FAF1: variants seen among roughly 807,000 people sequenced by gnomAD.
FAF1 encodes the protein FAS-associated factor 1.
Under a neutral mutation model 92.5 loss-of-function variants are expected in FAF1, and 25 were observed. The ratio of observed to expected loss-of-function variants is 0.27; its 90% CI spans 0.20 to 0.38. The LOEUF (loss-of-function observed/expected upper bound fraction) is 0.38, where lower values mean the gene tolerates loss of function less well. Among genes scored for constraint, FAF1 ranks in the 10% least tolerant of loss-of-function variants. The pLI is 1.00. For synonymous variants in FAF1, 234 were observed against 273.2 expected (o/e 0.86, Z 1.42); for missense variants, 636 against 793.3 (o/e 0.80, Z 2.38).
At chr1:50,731,360 TTTATC>T (rs1658909207) in intron 6 of FAF1, among the ~76,000 whole-genome samples, 1 of 151,740 alleles carries the variant, frequency 6.6e-6, no homozygotes, top group South Asian at 2.1e-4. Flanking sequence ...GTCTTTCTGT[TTTATC>T]TTTTCTCTTT....
intron 1 of FAF1, among the ~76,000 whole-genome samples, chr1:50,886,556 G>A (rs779981007): frequency 7.4e-4 from 112 of 151,824 alleles, no homozygotes; most frequent in Non-Finnish European, 1.2e-3. Flanking sequence ...AGGCCCCGGT[G>A]TGTGATTTTC....
intron 1 of FAF1, among the ~76,000 whole-genome samples, chr1:50,922,916 A>T (rs978278024): frequency 1.4e-4 from 21 of 152,024 alleles, no homozygotes; most frequent in African/African-American, 5.1e-4. Flanking sequence ...AACAAAAGAA[A>T]TTCAGAAATG....
At chr1:50,706,152 T>A in intron 6 of FAF1, 1 of 355,522 alleles carries the variant, frequency 2.8e-6, no homozygotes, top group Non-Finnish European at 5.1e-6. Flanking sequence ...TTTCTACAAG[T>A]CATAGGCTAA....
At chr1:50,732,199 C>T (rs1436255267) in intron 6 of FAF1, among the ~76,000 whole-genome samples, 3 of 152,026 alleles carry the variant, frequency 2.0e-5, no homozygotes, top group Admixed American at 6.6e-5. Context: ...CTCAGCCTCC[C>T]GAGTAGCTGG....
At chr1:50,937,908 G>A (rs1339577595) in intron 1 of FAF1, among the ~76,000 whole-genome samples, 1 of 152,136 alleles carries the variant, frequency 6.6e-6, no homozygotes, top group Non-Finnish European at 1.5e-5. Flanking sequence ...CGGGTAATAT[G>A]TATTTCTCTG....
intron 4 of FAF1, among the ~76,000 whole-genome samples, chr1:50,787,117 G>GT (rs1661390700): frequency 6.6e-6 from 1 of 152,212 alleles, no homozygotes; most frequent in Admixed American, 6.5e-5. Context: ...TGAATCAAAT[G>GT]TAAGTTCAAC....
At chr1:50,958,088 G>C (rs1645284008) in intron 1 of FAF1, among the ~76,000 whole-genome samples, 1 of 152,184 alleles carries the variant, frequency 6.6e-6, no homozygotes, top group East Asian at 1.9e-4. Flanking sequence ...TTGAGCCCAG[G>C]AGTTCAAGAC....
chr1:50,526,585 T>A (rs954315409), intron 15 of FAF1, among the ~76,000 whole-genome samples: 5 of 152,024 alleles, frequency 3.3e-5, no homozygotes, highest in Admixed American at 1.3e-4. Flanking sequence ...ATTACAGGCA[T>A]GAGCCACTGT....
At chr1:50,472,368 TACACACACACACACACACAC>T (rs71850142) in intron 18 of FAF1, among the ~76,000 whole-genome samples, 44 of 123,950 alleles carry the variant, frequency 3.5e-4, no homozygotes, top group South Asian at 9.2e-4. Flanking sequence ...GGGGAAAACA[TACACACACACACACACACAC>T]ACACACACAC....
intron 7 of FAF1, among the ~76,000 whole-genome samples, chr1:50,696,902 T>C (rs924710807): frequency 1.3e-5 from 2 of 152,218 alleles, no homozygotes; most frequent in Non-Finnish European, 2.9e-5. Context: ...TCAAAATATA[T>C]ACTTAGCAAA....
At chr1:50,605,208 G>T (rs1652320279) in intron 8 of FAF1, among the ~76,000 whole-genome samples, 1 of 152,110 alleles carries the variant, frequency 6.6e-6, no homozygotes, top group African/African-American at 2.4e-5. Flanking sequence ...GCTGCTCACT[G>T]TAACAGAATT....
At chr1:50,509,391 T>C (rs1647103671) in intron 15 of FAF1, among the ~76,000 whole-genome samples, 1 of 151,952 alleles carries the variant, frequency 6.6e-6, no homozygotes, top group African/African-American at 2.4e-5. Context: ...GCAGGAGGAC[T>C]GTTTGAGTCC....
intron 2 of FAF1, among the ~76,000 whole-genome samples, chr1:50,825,301 C>T (rs1381317037): frequency 1.1e-4 from 17 of 151,616 alleles, no homozygotes; most frequent in Non-Finnish European, 4.4e-5. Flanking sequence ...AATATAAAAA[C>T]CTAAAAATGT....
chr1:50,694,744 G>A (rs573272593), intron 7 of FAF1, among the ~76,000 whole-genome samples: 4 of 146,706 alleles, frequency 2.7e-5, no homozygotes, highest in Admixed American at 2.1e-4. Flanking sequence ...TCAGGAGTTC[G>A]AGACTAGCCT....
chr1:50,742,741 G>T (rs182070026), intron 5 of FAF1, among the ~76,000 whole-genome samples: 2 of 152,062 alleles, frequency 1.3e-5, no homozygotes, highest in Non-Finnish European at 2.9e-5. Flanking sequence ...CTACAAAAGC[G>T]AACTCATTTT....
intron 7 of FAF1, among the ~76,000 whole-genome samples, chr1:50,705,243 T>A (rs1657626261): frequency 6.6e-6 from 1 of 152,210 alleles, no homozygotes. Flanking sequence ...ACAGTGGCCC[T>A]GGTTGGTCGT....
intron 15 of FAF1, among the ~76,000 whole-genome samples, chr1:50,493,641 C>A (rs1646865971): frequency 6.6e-6 from 1 of 152,154 alleles, no homozygotes; most frequent in Non-Finnish European, 1.5e-5. Context: ...TCCACAAAGG[C>A]AGGGAACTTG....
intron 8 of FAF1, among the ~76,000 whole-genome samples, chr1:50,647,540 G>A (rs1654650707): frequency 6.6e-6 from 1 of 152,000 alleles, no homozygotes; most frequent in African/African-American, 2.4e-5. Context: ...TTTGTCTGAA[G>A]TTTTCTTTTA....
chr1:50,779,216 A>G (rs1225902911), intron 4 of FAF1, among the ~76,000 whole-genome samples: 1 of 152,140 alleles, frequency 6.6e-6, no homozygotes, highest in African/African-American at 2.4e-5. Context: ...TTCCTCCACT[A>G]AAGTCCTGAA....
Sources: allele counts gnomAD v4.1 joint callset (sites outside exome capture counted in the v4.1 genomes callset), GRCh38; gene constraint gnomAD v4.1.1; transcripts MANE v1.5; gene names NCBI Gene and HGNC (gene_info 2026-07-23, HGNC 2026-07-21).